Variants in MYBPC2 observed in about 807,000 individuals in gnomAD.
MYBPC2 encodes myosin-binding protein C, fast-type.
A neutral mutation model predicts 137.0 loss-of-function variants in MYBPC2; 122 were observed. The observed-to-expected ratio is 0.89, with a 90% CI of 0.77 to 1.03. MYBPC2 has a LOEUF of 1.03. MYBPC2 is among the 50% of genes least tolerant of loss of function. MYBPC2 has a pLI of 0.00. For synonymous variants in MYBPC2, 626 were observed against 612.3 expected (o/e 1.02, Z -0.33); for missense variants, 1,500 against 1,534.4 (o/e 0.98, Z 0.37).
chr19:50,439,661 A>G (rs997310977), intron 7 of MYBPC2, among the ~76,000 whole-genome samples: 24 of 151,586 alleles, frequency 1.6e-4, no homozygotes, highest in African/African-American at 5.8e-4. Context: ...CCATCTTCTG[A>G]GGCCTCCCGT....
chr19:50,462,488 CTTGCTCACTTT>C, intron 26 of MYBPC2, among the ~76,000 whole-genome samples: 2 of 151,470 alleles, frequency 1.3e-5, no homozygotes, highest in African/African-American at 4.9e-5. Flanking sequence ...CCAGACTGGA[CTTGCTCACTTT>C]TCACCCACTT....
At chr19:50,454,993 A>G in intron 18 of MYBPC2, 115 bp from the exon 19 acceptor site, 1 of 928,434 alleles carries the variant, frequency 1.1e-6, no homozygotes, top group Non-Finnish European at 1.6e-6. Context: ...CCTAAGATTC[A>G]TGGCCTCGGA....
chr19:50,458,374 TAA>T (rs760945453), intron 20 of MYBPC2, among the ~76,000 whole-genome samples: 2 of 143,976 alleles, frequency 1.4e-5, no homozygotes. Flanking sequence ...AGACTCCGTT[TAA>T]AAAAAAAAAA....
chr19:50,445,467 A>G (rs1370205344), intron 11 of MYBPC2, among the ~76,000 whole-genome samples: 1 of 145,118 alleles, frequency 6.9e-6, no homozygotes, highest in Non-Finnish European at 1.5e-5. Context: ...ATCTTGGCTC[A>G]CCTCAACCTC....
intron 19 of MYBPC2, 25 bp from the exon 20 acceptor site, chr19:50,455,485 A>G (rs369380405): frequency 3.0e-5 from 48 of 1,604,672 alleles, no homozygotes; most frequent in Non-Finnish European, 3.6e-5. Flanking sequence ...TTCCCCCCAT[A>G]TCCTCTTTTT....
chr19:50,438,066 A>C (rs2445829), intron 7 of MYBPC2, among the ~76,000 whole-genome samples: 8,623 of 151,698 alleles, frequency 0.057, 326 homozygotes, highest in East Asian at 0.14. Context: ...CCTCCCATCC[A>C]TCCATCCCTC....
In MYBPC2 at chr19:50,452,019, C is replaced by T. The variant is rs547863146; in HGVS notation, c.1749+16C>T. On this transcript the variant is annotated intron_variant, in intron 16 of 27. Coordinates refer to ENST00000357701, the MANE Select transcript of MYBPC2 (RefSeq NM_004533.4). The stretch of plus-strand genomic sequence containing the variant: ...GGGAGATGAGGTGGGTTGGGGCCGC[C>T]CCTCTGTCCTCACTCCCTTTCCGTT... 1.3e-6 allele frequency: 2 copies of T among 1,551,270 alleles called. No homozygotes were observed. Among genetic ancestry groups the T allele is most frequent in the Admixed American group, 2.0e-5 (1 of 50,984 alleles).
chr19:50,456,226 TATTCATCC>T (rs1236321086), intron 20 of MYBPC2, among the ~76,000 whole-genome samples: 1 of 134,528 alleles, frequency 7.4e-6, no homozygotes, highest in African/African-American at 2.8e-5. Context: ...TATTTCCATC[TATTCATCC>T]ATCCATCCAT....
At chr19:50,444,206 G>A (rs1411161623) in intron 11 of MYBPC2, among the ~76,000 whole-genome samples, 1 of 126,970 alleles carries the variant, frequency 7.9e-6, no homozygotes, top group East Asian at 2.3e-4. Flanking sequence ...ATCCACTCAT[G>A]CATCCATCCA....
chr19:50,450,786 T>C lies in MYBPC2; in HGVS notation c.1473-43T>C, dbSNP rs778088095. 7.3e-5 allele frequency: 107 copies of C among 1,458,304 alleles called. 1 individual carries two copies. The highest frequency in any genetic ancestry group is 1.4e-4 in the African/African-American group (10 of 71,122). 90.3% of individuals were successfully genotyped at this position (1,458,304 alleles called of 1,614,324 possible). On this transcript the variant is annotated intron_variant, in intron 13 of 27. Coordinates refer to ENST00000357701, the MANE Select transcript of MYBPC2 (RefSeq NM_004533.4). Reference sequence around the variant, plus strand: ...GCGGTGCAGCCCCATAGTGGTCCCATTGCAATCTGGTTCGAGCCCTACCCT... The same window carrying C: ...GCGGTGCAGCCCCATAGTGGTCCCACTGCAATCTGGTTCGAGCCCTACCCT...
intron 17 of MYBPC2, 35 bp from the exon 18 acceptor site, chr19:50,454,230 C>T: frequency 6.2e-7 from 1 of 1,613,790 alleles, no homozygotes; most frequent in Non-Finnish European, 8.5e-7. Context: ...TCCCTGAGGC[C>T]TCGAGGGGCC....
At chr19:50,444,129 C>T (rs565247433) in intron 11 of MYBPC2, among the ~76,000 whole-genome samples, 20 of 145,564 alleles carry the variant, frequency 1.4e-4, no homozygotes, top group Non-Finnish European at 2.1e-4. Context: ...ACTCATCCAC[C>T]CAGTCCATCC....
chr19:50,441,198 C>A, intron 8 of MYBPC2, 122 bp downstream of exon 8: 3 of 1,104,998 alleles, frequency 2.7e-6, no homozygotes, highest in Non-Finnish European at 3.7e-6. Context: ...AGGCAAGACC[C>A]AACTCTAGCG....
At chr19:50,450,596 A>G (rs1041162318) in intron 13 of MYBPC2, among the ~76,000 whole-genome samples, 1 of 152,148 alleles carries the variant, frequency 6.6e-6, no homozygotes, top group African/African-American at 2.4e-5. Flanking sequence ...CTTGATGTAG[A>G]TGGATATCAT....
At chr19:50,451,222 G>A (rs2039853919) in intron 14 of MYBPC2, 58 bp from the exon 15 acceptor site, 2 of 1,588,398 alleles carry the variant, frequency 1.3e-6, no homozygotes, top group Non-Finnish European at 1.7e-6. Flanking sequence ...GGCTGTGAAG[G>A]TGGGGTGAGG....
chr19:50,436,306 G>A (rs143591521), intron 4 of MYBPC2, 146 bp downstream of exon 4: 3 of 1,318,374 alleles, frequency 2.3e-6, no homozygotes, highest in South Asian at 1.5e-5. Context: ...GGTTGTGCGG[G>A]GCTGCTGGGG....
chr19:50,445,083 T>C (rs958123938), intron 11 of MYBPC2, among the ~76,000 whole-genome samples: 1 of 151,916 alleles, frequency 6.6e-6, no homozygotes, highest in African/African-American at 2.4e-5. Flanking sequence ...CAGTAATGGA[T>C]GTTGTAATAG....
chr19:50,460,025 C>T lies in MYBPC2; in HGVS notation c.2792-15C>T. On this transcript the variant is annotated splice_polypyrimidine_tract_variant and intron_variant, in intron 23 of 27. Coordinates refer to ENST00000357701, the MANE Select transcript of MYBPC2 (RefSeq NM_004533.4). ...CCAAAACCTGGACTGACTTGTCACA[C>T]TTCCCCATTTCCAGAAAAGGCTGGG... 1 of 1,550,804 alleles carries T rather than the reference C, an allele frequency of 6.4e-7. No individual in the cohort carries two copies. The highest frequency in any genetic ancestry group is 2.4e-5 in the East Asian group (1 of 40,910).
rs1295335695 is a variant in MYBPC2, at chr19:50,461,931, G to A, written c.3123G>A (p.Glu1041=). ...CCTTCAAACCGTTCGAGTATAAGGA[G>A]CATGACTTCCGGATGGCTCCCAAGT... The part of the protein sequence containing the change: ...GITFKPFEYK[E]HDFRMAPKFL... Residue 1041 remains glutamate, a synonymous_variant, in exon 26 of 28, where the codon GAG becomes GAA. Coordinates refer to ENST00000357701, the MANE Select transcript of MYBPC2 (RefSeq NM_004533.4). 6.3e-7 allele frequency: 1 copy of A among 1,596,842 alleles called. No homozygotes were observed. The highest frequency in any genetic ancestry group is 8.5e-7 in the Non-Finnish European group (1 of 1,171,230).
Sources: allele counts gnomAD v4.1 joint callset (sites outside exome capture counted in the v4.1 genomes callset), GRCh38; gene constraint gnomAD v4.1.1; transcripts MANE v1.5; gene names NCBI Gene and HGNC (gene_info 2026-07-23, HGNC 2026-07-21).